The following LDB2 variants were observed in gnomAD, a reference collection of about 807,000 sequenced individuals.
The protein encoded by LDB2 is LIM domain binding 2.
LDB2 carries 12 observed loss-of-function variants against 44.3 expected under a neutral mutation model. The observed-to-expected ratio is 0.27, with a 90% CI of 0.17 to 0.44. The LOEUF (loss-of-function observed/expected upper bound fraction) is 0.44. Among genes scored for constraint, LDB2 ranks in the 20% least tolerant of loss-of-function variants. The pLI, the probability that LDB2 is intolerant of heterozygous loss-of-function variation, is 1.00. For synonymous variants in LDB2, 164 were observed against 174.8 expected, an observed-to-expected ratio of 0.94 and a Z score of 0.49; for missense variants, 344 against 473.5, an observed-to-expected ratio of 0.73 and a Z score of 2.54.
At chr4:16,539,576 T>C (rs1431726037) in intron 5 of LDB2, among the ~76,000 whole-genome samples, 1 of 152,132 alleles carries the variant, frequency 6.6e-6, no homozygotes, top group Non-Finnish European at 1.5e-5. Flanking sequence ...CCAGGGCAAA[T>C]TGCTTGATCC....
chr4:16,835,007 C>A (rs1409267847), intron 1 of LDB2, among the ~76,000 whole-genome samples: 1 of 152,080 alleles, frequency 6.6e-6, no homozygotes, highest in Non-Finnish European at 1.5e-5. Context: ...ATACCTTGTC[C>A]CAAATCACAG....
At chr4:16,649,332 T>C (rs2152522291) in intron 2 of LDB2, among the ~76,000 whole-genome samples, 1 of 152,302 alleles carries the variant, frequency 6.6e-6, no homozygotes, top group Non-Finnish European at 1.5e-5. Context: ...CAAAGTCTAA[T>C]TGCTCTACTA....
At chr4:16,806,390 C>T (rs1778800530) in intron 1 of LDB2, among the ~76,000 whole-genome samples, 2 of 152,182 alleles carry the variant, frequency 1.3e-5, no homozygotes, top group South Asian at 2.1e-4. Flanking sequence ...AGATCCAGCT[C>T]AGTGACTGGC....
chr4:16,599,038 A>T (rs957952879), intron 2 of LDB2, among the ~76,000 whole-genome samples: 3 of 152,092 alleles, frequency 2.0e-5, no homozygotes, highest in Admixed American at 6.6e-5. Flanking sequence ...GCTACAAGAG[A>T]TATCTGACTC....
chr4:16,680,616 C>T (rs1168827757), intron 2 of LDB2, among the ~76,000 whole-genome samples: 2 of 152,194 alleles, frequency 1.3e-5, no homozygotes, highest in Non-Finnish European at 2.9e-5. Context: ...AGCTAAGTGG[C>T]ATGCCCAGTG....
At chr4:16,584,040 C>G (rs1428159749) in intron 5 of LDB2, among the ~76,000 whole-genome samples, 1 of 152,156 alleles carries the variant, frequency 6.6e-6, no homozygotes, top group Non-Finnish European at 1.5e-5. Context: ...ACGCACAAGT[C>G]AGGAAATAAA....
chr4:16,747,748 G>A (rs1274663554), intron 2 of LDB2, among the ~76,000 whole-genome samples: 2 of 152,054 alleles, frequency 1.3e-5, no homozygotes. Context: ...ACCATCTCAG[G>A]TGGTTGATTT....
intron 1 of LDB2, among the ~76,000 whole-genome samples, chr4:16,827,494 A>T (rs1047193250): frequency 6.6e-6 from 1 of 152,236 alleles, no homozygotes; most frequent in Non-Finnish European, 1.5e-5. Context: ...GGTTAAGCAA[A>T]GACTACAATT....
At chr4:16,650,965 T>A (rs1424304361) in intron 2 of LDB2, among the ~76,000 whole-genome samples, 6 of 152,244 alleles carry the variant, frequency 3.9e-5, no homozygotes, top group African/African-American at 1.4e-4. Context: ...TGGGTTATCA[T>A]GTGTGGGGGA....
intron 2 of LDB2, among the ~76,000 whole-genome samples, chr4:16,706,389 G>A (rs996032750): frequency 2.8e-4 from 43 of 152,330 alleles, no homozygotes; most frequent in African/African-American, 1.0e-3. Flanking sequence ...GACACATCAA[G>A]AAAGTGGCCA....
At chr4:16,544,813 A>G (rs1735117560) in intron 5 of LDB2, among the ~76,000 whole-genome samples, 1 of 152,220 alleles carries the variant, frequency 6.6e-6, no homozygotes. Flanking sequence ...TGGTTGTATC[A>G]GGCTTGACTT....
chr4:16,824,662 T>G (rs893452114), intron 1 of LDB2, among the ~76,000 whole-genome samples: 2 of 152,252 alleles, frequency 1.3e-5, no homozygotes, highest in African/African-American at 4.8e-5. Flanking sequence ...TGTTCATAAC[T>G]GTTAAACTCC....
At chr4:16,703,589 T>C (rs1398521645) in intron 2 of LDB2, among the ~76,000 whole-genome samples, 1 of 152,208 alleles carries the variant, frequency 6.6e-6, no homozygotes, top group Non-Finnish European at 1.5e-5. Flanking sequence ...ACTCTGATCA[T>C]TATCTTTTTC....
At chr4:16,581,788 C>G (rs1302723194) in intron 5 of LDB2, among the ~76,000 whole-genome samples, 1 of 152,084 alleles carries the variant, frequency 6.6e-6, no homozygotes, top group African/African-American at 2.4e-5. Flanking sequence ...CTGCCACTTA[C>G]CAGTTCTGTG....
chr4:16,671,803 A>G (rs1744834643), intron 2 of LDB2, among the ~76,000 whole-genome samples: 1 of 152,084 alleles, frequency 6.6e-6, no homozygotes, highest in South Asian at 2.1e-4. Flanking sequence ...GAGCTCCTCC[A>G]CAAGCAGCTG....
At chr4:16,720,460 T>C (rs1758022797) in intron 2 of LDB2, among the ~76,000 whole-genome samples, 1 of 152,144 alleles carries the variant, frequency 6.6e-6, no homozygotes, top group South Asian at 2.1e-4. Context: ...AACCAATTCC[T>C]TGCAATAATT....
At chr4:16,840,561 C>T (rs368446187) in intron 1 of LDB2, among the ~76,000 whole-genome samples, 9 of 152,148 alleles carry the variant, frequency 5.9e-5, no homozygotes, top group Non-Finnish European at 7.4e-5. Context: ...GTACAGAAGT[C>T]GTTTGGGATC....
chr4:16,526,727 A>AC (rs1423586109), intron 5 of LDB2, among the ~76,000 whole-genome samples: 1 of 152,184 alleles, frequency 6.6e-6, no homozygotes, highest in Non-Finnish European at 1.5e-5. Context: ...GAATGTGTAC[A>AC]CCTCTAGAAG....
intron 6 of LDB2, among the ~76,000 whole-genome samples, chr4:16,510,854 A>G (rs540159259): frequency 6.6e-6 from 1 of 152,348 alleles, no homozygotes; most frequent in African/African-American, 2.4e-5. Flanking sequence ...TTATTGAATG[A>G]ATGAAGGAAT....
Sources: allele counts gnomAD v4.1 joint callset (sites outside exome capture counted in the v4.1 genomes callset), GRCh38; gene constraint gnomAD v4.1.1; transcripts MANE v1.5; gene names NCBI Gene and HGNC (gene_info 2026-07-23, HGNC 2026-07-21).